The following TMPRSS3 variants were observed in gnomAD, a reference collection of about 807,000 sequenced individuals.
TMPRSS3 encodes the protein transmembrane serine protease 3.
TMPRSS3 carries 55 observed loss-of-function variants against 59.6 expected under a neutral mutation model. The observed-to-expected ratio is 0.92, with a 90% CI of 0.74 to 1.16. The LOEUF (loss-of-function observed/expected upper bound fraction) is 1.16. Ranked by LOEUF, TMPRSS3 falls within the 50% of genes most tolerant of loss-of-function variation. The pLI is 0.00. For missense variants in TMPRSS3, 596 were observed against 579.4 expected (o/e 1.03, Z -0.29); for synonymous variants, 257 against 237.7 (o/e 1.08, Z -0.75).
chr21:42,380,575 G>T (rs1366088619), intron 9 of TMPRSS3, among the ~76,000 whole-genome samples: 2 of 152,254 alleles, frequency 1.3e-5, no homozygotes, highest in Admixed American at 6.5e-5. Context: ...CCACATAGGT[G>T]TGGCTGTGTC....
At chr21:42,386,135 C>A (rs1409030951) in intron 5 of TMPRSS3, among the ~76,000 whole-genome samples, 1 of 152,148 alleles carries the variant, frequency 6.6e-6, no homozygotes, top group Non-Finnish European at 1.5e-5. Context: ...GAAAGTGATG[C>A]AACTTTTTAA....
Position 42,388,363 on chromosome 21 carries a change from C to T in TMPRSS3, c.446+40G>A, listed in dbSNP as rs1568888263. 1.2e-5 allele frequency: 19 copies of T among 1,614,182 alleles called. No homozygotes were observed. The highest frequency in any genetic ancestry group is 1.5e-5 in the Non-Finnish European group (18 of 1,179,994). ...TTGTCTTTCTTTATTGTTATCCTCT[C>T]TGTGTTTTGCCCATGGGTTGGAAAT... is the stretch of plus-strand genomic sequence containing the variant. On this transcript the variant is annotated intron_variant, in intron 5 of 12. Coordinates refer to ENST00000644384, the MANE Select transcript of TMPRSS3 (RefSeq NM_001256317.3). The surrounding 1 kb of genome is among the most constrained non-coding windows in gnomAD (Gnocchi z 5.1).
chr21:42,376,762 G>C (rs1341973590), intron 10 of TMPRSS3, 79 bp from the exon 11 acceptor site: 2 of 1,605,280 alleles, frequency 1.2e-6, no homozygotes, highest in Non-Finnish European at 1.7e-6. Flanking sequence ...TGAGACCAGG[G>C]GGGTGAGGGA....
intron 2 of TMPRSS3, 84 bp downstream of exon 2, chr21:42,395,240 C>T (rs1601538152): frequency 4.3e-6 from 5 of 1,166,434 alleles, no homozygotes; most frequent in Non-Finnish European, 6.4e-6. Flanking sequence ...GGAGATATTT[C>T]CCCCACAGGG....
chr21:42,382,339 A>T, intron 8 of TMPRSS3, 105 bp from the exon 9 acceptor site: 1 of 1,027,158 alleles, frequency 9.7e-7, no homozygotes, highest in South Asian at 1.4e-5. Context: ...AGAGGTTATC[A>T]GGCAAGATGT....
In TMPRSS3 at chr21:42,372,199, C is replaced by G. The variant is rs1416192509; in HGVS notation, c.*563G>C. On this transcript the variant is annotated 3_prime_UTR_variant, in exon 13 of 13. Coordinates refer to ENST00000644384, the MANE Select transcript of TMPRSS3 (RefSeq NM_001256317.3). The stretch of plus-strand genomic sequence containing the variant: ...TTTTGCAAGACCCCTGGAGAGAAAA[C>G]CAGATGGACCAGTGGGAAAGGCCGC... 4.5e-6 allele frequency: 2 copies of G among 446,296 alleles called. No homozygotes were observed. Among genetic ancestry groups the G allele is most frequent in the Admixed American group, 4.8e-5 (2 of 42,064 alleles). The allele number at this position is 446,296 out of a possible 1,614,324, so 27.6% of individuals were successfully genotyped here. A position where few individuals can be genotyped will look rare whatever the true frequency, so the allele number is the denominator to read the frequency against.
chr21:42,393,193 C>G (rs1480593279), intron 2 of TMPRSS3, among the ~76,000 whole-genome samples: 4 of 151,902 alleles, frequency 2.6e-5, no homozygotes, highest in Admixed American at 6.6e-5. Flanking sequence ...TGCAGTGAGC[C>G]GAGATCACGC....
intron 8 of TMPRSS3, 61 bp downstream of exon 8, chr21:42,382,972 C>A: frequency 1.2e-6 from 2 of 1,605,084 alleles, no homozygotes; most frequent in South Asian, 1.1e-5. Flanking sequence ...CCCAAAGCAG[C>A]CCCACCCTGA....
At chr21:42,376,194 C>T (rs368405990) in intron 11 of TMPRSS3, among the ~76,000 whole-genome samples, 1 of 152,180 alleles carries the variant, frequency 6.6e-6, no homozygotes, top group South Asian at 2.1e-4. Context: ...GACCTGTGAT[C>T]CACCTAGTAG....
chr21:42,389,855 AG>A, intron 3 of TMPRSS3, 71 bp downstream of exon 3: 1 of 1,149,392 alleles, frequency 8.7e-7, no homozygotes, highest in East Asian at 2.3e-5. Context: ...CTGGGATGAG[AG>A]GGGGCGCTCA....
intron 6 of TMPRSS3, among the ~76,000 whole-genome samples, chr21:42,384,711 G>A (rs887842196): frequency 5.9e-5 from 9 of 152,292 alleles, no homozygotes; most frequent in African/African-American, 1.7e-4. Flanking sequence ...ATTCATCCCC[G>A]ACGGACAGAC....
chr21:42,379,005 C>T (rs748847560), intron 10 of TMPRSS3, among the ~76,000 whole-genome samples: 15 of 152,194 alleles, frequency 9.9e-5, no homozygotes, highest in Non-Finnish European at 1.8e-4. Flanking sequence ...CAGCCTCAGT[C>T]TCCTGAATAG....
intron 2 of TMPRSS3, among the ~76,000 whole-genome samples, chr21:42,393,169 G>A (rs369101989): frequency 3.9e-5 from 6 of 152,104 alleles, no homozygotes; most frequent in Admixed American, 6.5e-5. Flanking sequence ...GCTTGAACCC[G>A]GGCGGTTGGA....
At position 42,390,011 on chromosome 21, in the gene TMPRSS3, G is replaced by A. The variant is rs779277523; in HGVS notation, c.121C>T (p.Leu41=). The change falls in exon 3 of 13, where the codon CTG becomes TTG. Residue 41 remains leucine (L), a synonymous_variant. Coordinates refer to ENST00000644384, the MANE Select transcript of TMPRSS3 (RefSeq NM_001256317.3). The part of the protein sequence containing the change: ...PDADAVAAQI[L]SLLPLKFFPI... ...AAAAACTTCAATGGCAGCAGTGACA[G>A]GATCTGTGCAGCAACAGCATCTGCA... 1.9e-6 allele frequency: 3 copies of A among 1,614,166 alleles called. No individual in the cohort carries two copies. The South Asian group carries it at 3.3e-5, about 18-fold the overall frequency.
In TMPRSS3 at chr21:42,388,004, C is replaced by T. The variant is rs776062904; in HGVS notation, c.446+399G>A. Among the ~76,000 whole-genome samples, 47 of 152,292 alleles carry T rather than the reference C, an allele frequency of 3.1e-4. No individual in the cohort carries two copies. Among genetic ancestry groups the T allele is most frequent in the African/African-American group, 1.0e-3 (43 of 41,570 alleles). ...TGGTTCTGTGGGGTTCTTGGGGAAGCGTGCATGGACATTGATGTGACCGCC... is the reference window on the plus strand; with the variant it reads ...TGGTTCTGTGGGGTTCTTGGGGAAGTGTGCATGGACATTGATGTGACCGCC... On this transcript the variant is annotated intron_variant, in intron 5 of 12. Transcript: ENST00000644384. The surrounding 1 kb of genome is among the most constrained non-coding windows in gnomAD (Gnocchi z 5.1).
chr21:42,385,302 G>T, intron 6 of TMPRSS3, 107 bp downstream of exon 6: 1 of 1,506,960 alleles, frequency 6.6e-7, no homozygotes, highest in Non-Finnish European at 9.2e-7. Flanking sequence ...TTCCATCTGA[G>T]ATAACACATG....
chr21:42,376,561 C>T lies in TMPRSS3; in HGVS notation c.1171G>A (p.Gly391Ser), dbSNP rs760379793. The T allele has an allele frequency of 8.1e-6, 13 of 1,613,602 alleles. No homozygotes were observed. The South Asian group carries it at 1.4e-4, about 18-fold the overall frequency. The change falls in exon 11 of 13, where the codon GGT becomes AGT. Residue 391 changes from glycine to serine, a missense_variant. Physicochemically the swap from Gly to Ser is moderately conservative, Grantham distance 56. Coordinates refer to ENST00000644384, the MANE Select transcript of TMPRSS3 (RefSeq NM_001256317.3). ...PSMLCAGYLT[G>S]GVDSCQGDSG... The stretch of plus-strand genomic sequence containing the variant: ...CGTACCTGGCAGCTGTCCACGCCAC[C>T]CGTCAGGTAGCCCGCGCAGAGCATG...
In TMPRSS3 at chr21:42,388,995, T is replaced by C. The variant is rs1568889307; in HGVS notation, c.256A>G (p.Ile86Val). 1 of 1,614,214 alleles carries C rather than the reference T, an allele frequency of 6.2e-7. No individual in the cohort carries two copies. The highest frequency in any genetic ancestry group is 8.5e-7 in the Non-Finnish European group (1 of 1,180,036). ...CCGTCACATCGAGCTATCAGCTCGA[T>C]ACACTTAAAGGATGAGCGACATCTG... ...KYRCRSSFKC[I>V]ELIARCDGVS... The change falls in exon 4 of 13, where the codon ATC (isoleucine) becomes GTC (valine). Residue 86 changes from isoleucine to valine, a missense_variant. Coordinates refer to ENST00000644384, the MANE Select transcript of TMPRSS3 (RefSeq NM_001256317.3). The surrounding 1 kb of genome is among the most constrained non-coding windows in gnomAD (Gnocchi z 5.1).
At chr21:42,394,917 A>G (rs1016621619) in intron 2 of TMPRSS3, among the ~76,000 whole-genome samples, 2 of 152,174 alleles carry the variant, frequency 1.3e-5, no homozygotes, top group Admixed American at 6.5e-5. Flanking sequence ...GCTGGATTTT[A>G]ATCTAGGCCT....
Sources: allele counts gnomAD v4.1 joint callset (sites outside exome capture counted in the v4.1 genomes callset), GRCh38; gene constraint gnomAD v4.1.1; non-coding constraint Gnocchi (gnomAD v3.1); transcripts MANE v1.5; gene names NCBI Gene and HGNC (gene_info 2026-07-23, HGNC 2026-07-21).